Variants in ELL2 observed in about 807,000 individuals in gnomAD.
ELL2 encodes the protein elongation factor for RNA polymerase II 2, also known as RNA polymerase II elongation factor ELL2.
ELL2 carries 21 observed loss-of-function variants against 72.8 expected under a neutral mutation model. The ratio of observed to expected loss-of-function variants is 0.29; its 90% CI spans 0.20 to 0.42. The LOEUF is 0.42. Among genes scored for constraint, ELL2 ranks in the 10% least tolerant of loss-of-function variants. ELL2 has a pLI of 1.00. For missense variants in ELL2, 568 were observed against 772.8 expected (o/e 0.73, Z 3.14); for synonymous variants, 266 against 283.2 (o/e 0.94, Z 0.61).
At chr5:95,889,568 CA>C (rs1748583161) in intron 10 of ELL2, among the ~76,000 whole-genome samples, 1 of 152,042 alleles carries the variant, frequency 6.6e-6, no homozygotes, top group Admixed American at 6.5e-5. Flanking sequence ...AGCTTGATAC[CA>C]TTAGTTTAAA....
chr5:95,906,612 C>T lies in ELL2; in HGVS notation c.652G>A (p.Ala218Thr). ...GCAAGTAGCTCCGGTTTCTTGTAGG[C>T]CTTCAGGGCCAGTAAGTGAATCACC... ...DRVIHLLALK[A>T]YKKPELLARL... Residue 218 changes from alanine to threonine, a missense_variant, in exon 5 of 12, where the codon GCC becomes ACC. Transcript: ENST00000237853. 6.2e-7 allele frequency: 1 copy of T among 1,614,078 alleles called. No homozygotes were observed. Among genetic ancestry groups the T allele is most frequent in the African/African-American group, 1.3e-5 (1 of 75,032 alleles).
intron 2 of ELL2, among the ~76,000 whole-genome samples, chr5:95,941,570 C>A (rs1300572954): frequency 6.6e-6 from 1 of 152,152 alleles, no homozygotes; most frequent in African/African-American, 2.4e-5. Flanking sequence ...TTGATGCCTC[C>A]TTAGAAAATA....
At chr5:95,937,432 C>T (rs954253963) in intron 2 of ELL2, among the ~76,000 whole-genome samples, 1 of 151,682 alleles carries the variant, frequency 6.6e-6, no homozygotes, top group Non-Finnish European at 1.5e-5. Context: ...CAGGGGCAGC[C>T]CATCTCCTGG....
At chr5:95,898,161 A>G (rs1193921583) in intron 8 of ELL2, 79 bp downstream of exon 8, 2 of 1,197,276 alleles carry the variant, frequency 1.7e-6, no homozygotes, top group African/African-American at 1.5e-5. Flanking sequence ...GTCATTTGCT[A>G]AAGAAATTAC....
intron 1 of ELL2, among the ~76,000 whole-genome samples, chr5:95,958,700 A>G (rs1489438631): frequency 1.3e-5 from 2 of 152,112 alleles, no homozygotes; most frequent in African/African-American, 4.8e-5. Context: ...TGCAGGAGAA[A>G]AGGAATCCTA....
Position 95,913,756 on chromosome 5 carries a change from G to A in ELL2, c.481+15C>T. 6.4e-7 allele frequency: 1 copy of A among 1,573,106 alleles called. No homozygotes were observed. ...CCAATCAATCAGCAAGAGGAAGAAA[G>A]ATATCTATACAAACCTACATATGGT... On this transcript the variant is annotated intron_variant, in intron 4 of 11. Transcript: ENST00000237853.
At chr5:95,955,828 A>G (rs1751609248) in intron 1 of ELL2, among the ~76,000 whole-genome samples, 1 of 151,876 alleles carries the variant, frequency 6.6e-6, no homozygotes, top group Non-Finnish European at 1.5e-5. Flanking sequence ...CAAACAATCT[A>G]AAATACATTT....
intron 4 of ELL2, among the ~76,000 whole-genome samples, chr5:95,907,296 A>ATATATATATATTTTTTTTTTTT: frequency 5.2e-5 from 6 of 116,490 alleles, no homozygotes; most frequent in Admixed American, 8.6e-5. Flanking sequence ...ATATATATAT[A>ATATATATATATTTTTTTTTTTT]TTTTTTTTTT....
chr5:95,888,712 G>A lies in ELL2; in HGVS notation c.*159C>T. On this transcript the variant is annotated 3_prime_UTR_variant, in exon 12 of 12. Coordinates refer to ENST00000237853, the MANE Select transcript of ELL2 (RefSeq NM_012081.6). ...CAGAAAGAGCAGCTTCGAAATGCAG[G>A]GAAGCAAAGTAAAATGGAAAAGAAA... is the stretch of plus-strand genomic sequence containing the variant. 1 of 501,628 alleles carries A rather than the reference G, an allele frequency of 2.0e-6. No individual in the cohort carries two copies. Among genetic ancestry groups the A allele is most frequent in the South Asian group, 3.9e-5 (1 of 25,612 alleles). 31.1% of individuals were successfully genotyped at this position (501,628 alleles called of 1,614,324 possible).
chr5:95,916,180 A>C (rs1198563769), intron 3 of ELL2, among the ~76,000 whole-genome samples: 1 of 152,030 alleles, frequency 6.6e-6, no homozygotes, highest in Non-Finnish European at 1.5e-5. Flanking sequence ...AGCCACACTC[A>C]GAGAGAGGTG....
chr5:95,902,363 T>C (rs1215463594), intron 5 of ELL2, among the ~76,000 whole-genome samples: 3 of 152,208 alleles, frequency 2.0e-5, no homozygotes, highest in African/African-American at 2.4e-5. Flanking sequence ...ACCCCCAAAT[T>C]ACTGTTATTA....
chr5:95,931,877 AAAGAAAAT>A lies in ELL2; in HGVS notation c.195+11117_195+11124del, dbSNP rs1750614611. Among the ~76,000 whole-genome samples the A allele has an allele frequency of 3.3e-5, 5 of 150,860 alleles. No individual in the cohort carries two copies. In the South Asian group the frequency reaches 1.0e-3, roughly 31 times the overall value. On this transcript the variant is annotated intron_variant, in intron 2 of 11. Transcript: ENST00000237853. ...ACTAGCTACAGCACAACAAAGAAAC[AAAGAAAAT>A]AGAATTAAGGGTTCTCATGGGAATC...
chr5:95,955,795 AT>A (rs535524137), intron 1 of ELL2, among the ~76,000 whole-genome samples: 100 of 152,090 alleles, frequency 6.6e-4, no homozygotes, highest in Non-Finnish European at 1.2e-3. Context: ...TGTCCATAAT[AT>A]CACATTTTAG....
intron 1 of ELL2, among the ~76,000 whole-genome samples, chr5:95,955,974 G>T (rs1319299069): frequency 6.6e-6 from 1 of 151,896 alleles, no homozygotes; most frequent in African/African-American, 2.4e-5. Context: ...TCCTCTCTCT[G>T]CTGGCTTTAT....
At chr5:95,947,020 C>T (rs533599532) in intron 1 of ELL2, among the ~76,000 whole-genome samples, 54 of 152,248 alleles carry the variant, frequency 3.5e-4, no homozygotes, top group African/African-American at 1.3e-3. Context: ...CTGGTGCCAC[C>T]ATTTTGCTAA....
chr5:95,941,915 T>G (rs1750983919), intron 2 of ELL2, among the ~76,000 whole-genome samples: 1 of 152,238 alleles, frequency 6.6e-6, no homozygotes, highest in Admixed American at 6.5e-5. Context: ...TTCAGAAGAA[T>G]ACTTATTCCA....
At chr5:95,938,088 C>T (rs1436859618) in intron 2 of ELL2, among the ~76,000 whole-genome samples, 3 of 152,064 alleles carry the variant, frequency 2.0e-5, no homozygotes, top group Non-Finnish European at 4.4e-5. Flanking sequence ...TCCACACCCC[C>T]CACAAAGTAA....
intron 5 of ELL2, among the ~76,000 whole-genome samples, chr5:95,906,257 C>G (rs1224384286): frequency 6.6e-6 from 1 of 152,166 alleles, no homozygotes; most frequent in African/African-American, 2.4e-5. Flanking sequence ...ACAAACACTT[C>G]TTACTTTCTT....
intron 2 of ELL2, among the ~76,000 whole-genome samples, chr5:95,939,343 G>A (rs560294211): frequency 1.4e-5 from 2 of 143,004 alleles, no homozygotes; most frequent in South Asian, 4.4e-4. Context: ...GTTCTCTGAG[G>A]GTGGAGCCCA....
Sources: gnomAD v4.1 joint callset for allele counts (sites outside exome capture counted in the v4.1 genomes callset) on GRCh38, gnomAD v4.1.1 for gene constraint, MANE v1.5 for transcripts, NCBI Gene and HGNC (gene_info 2026-07-23, HGNC 2026-07-21) for gene names.